Variants in CADPS2 observed in about 807,000 individuals in gnomAD.
CADPS2 encodes calcium-dependent secretion activator 2.
A neutral mutation model predicts 172.5 loss-of-function variants in CADPS2; 93 were observed. The ratio of observed to expected loss-of-function variants is 0.54; its 90% CI spans 0.46 to 0.64. CADPS2 has a LOEUF of 0.64. CADPS2 is among the 30% of genes least tolerant of loss of function. The pLI is 0.00. For synonymous variants in CADPS2, 546 were observed against 555.2 expected (o/e 0.98, Z 0.23); for missense variants, 1,420 against 1,565.9 (o/e 0.91, Z 1.57).
At chr7:122,619,143 ATTTTGTTT>A (rs1402137964) in intron 5 of CADPS2, among the ~76,000 whole-genome samples, 1 of 152,172 alleles carries the variant, frequency 6.6e-6, no homozygotes, top group Non-Finnish European at 1.5e-5. Flanking sequence ...CAGCAGCCTA[ATTTTGTTT>A]TCAACAGGCA....
At chr7:122,449,768 C>T (rs961131705) in intron 15 of CADPS2, among the ~76,000 whole-genome samples, 21 of 152,178 alleles carry the variant, frequency 1.4e-4, no homozygotes, top group African/African-American at 4.6e-4. Context: ...CTATCTACAA[C>T]AGTGTTTCCT....
intron 3 of CADPS2, among the ~76,000 whole-genome samples, chr7:122,637,440 G>A (rs1221088599): frequency 6.6e-6 from 1 of 152,032 alleles, no homozygotes; most frequent in Non-Finnish European, 1.5e-5. Context: ...AAAGTGCTGG[G>A]ATTACAAGCA....
intron 3 of CADPS2, among the ~76,000 whole-genome samples, chr7:122,643,142 A>G (rs1417800512): frequency 1.3e-5 from 2 of 152,208 alleles, no homozygotes; most frequent in Non-Finnish European, 2.9e-5. Context: ...TACTCTTCCT[A>G]ACACTTTCTT....
At chr7:122,560,716 T>C (rs1320100851) in intron 7 of CADPS2, among the ~76,000 whole-genome samples, 1 of 152,206 alleles carries the variant, frequency 6.6e-6, no homozygotes, top group Non-Finnish European at 1.5e-5. Flanking sequence ...CTTGACTTTT[T>C]GGGTTTAGTT....
At chr7:122,818,811 A>T (rs1030327402) in intron 1 of CADPS2, among the ~76,000 whole-genome samples, 1 of 152,130 alleles carries the variant, frequency 6.6e-6, no homozygotes, top group Non-Finnish European at 1.5e-5. Flanking sequence ...TTTATCCCAA[A>T]TCAGACAGCA....
intron 2 of CADPS2, among the ~76,000 whole-genome samples, chr7:122,730,857 TTAAAA>T (rs1166007225): frequency 2.0e-5 from 3 of 151,742 alleles, no homozygotes; most frequent in Admixed American, 1.3e-4. Flanking sequence ...AAAAGTGTTC[TTAAAA>T]TAATATCACA....
At chr7:122,752,002 C>T (rs994671853) in intron 1 of CADPS2, among the ~76,000 whole-genome samples, 2 of 152,114 alleles carry the variant, frequency 1.3e-5, no homozygotes, top group Non-Finnish European at 2.9e-5. Flanking sequence ...CATTTAGAAG[C>T]ATTATCCACT....
intron 12 of CADPS2, among the ~76,000 whole-genome samples, chr7:122,477,079 A>AGG (rs1183522696): frequency 1.4e-5 from 2 of 138,784 alleles, no homozygotes; most frequent in African/African-American, 5.4e-5. Context: ...AGAGAGAGAG[A>AGG]GAGGGAGAGA....
At chr7:122,402,159 T>G (rs2046034173) in intron 20 of CADPS2, among the ~76,000 whole-genome samples, 2 of 152,192 alleles carry the variant, frequency 1.3e-5, no homozygotes, top group African/African-American at 2.4e-5. Context: ...CACACATACC[T>G]TTATCTGATC....
intron 25 of CADPS2, among the ~76,000 whole-genome samples, chr7:122,370,202 T>C (rs772335675): frequency 6.6e-6 from 1 of 152,114 alleles, no homozygotes; most frequent in African/African-American, 2.4e-5. Context: ...ACATGACACA[T>C]TTGTATGGCT....
chr7:122,645,438 TA>T (rs2078322621), intron 3 of CADPS2, among the ~76,000 whole-genome samples: 1 of 63,688 alleles, frequency 1.6e-5, no homozygotes, highest in African/African-American at 5.1e-5. Flanking sequence ...TATATATGTA[TA>T]TATACACACA....
chr7:122,398,395 C>T (rs2045450263), intron 20 of CADPS2, among the ~76,000 whole-genome samples: 2 of 152,096 alleles, frequency 1.3e-5, no homozygotes, highest in African/African-American at 4.8e-5. Context: ...AATTAGCTAG[C>T]TTTAGTGGAT....
rs950791428 is a variant in CADPS2 at position 122,590,314 on chromosome 7, A to C, written c.1224-9024T>G. On this transcript the variant is annotated intron_variant, in intron 6 of 29. Transcript: ENST00000449022. ...ACTGGAACAGAGAGCCCAGAAACCA[A>C]CCCTCACACATATGGTCAAATGTAA... Among the ~76,000 whole-genome samples the C allele has an allele frequency of 2.0e-5, 3 of 152,000 alleles. 1 individual carries two copies. Among genetic ancestry groups the C allele is most frequent in the Admixed American group, 2.0e-4 (3 of 15,206 alleles).
At chr7:122,696,500 TGACCC>T (rs1372974669) in intron 2 of CADPS2, among the ~76,000 whole-genome samples, 65 of 5,334 alleles carry the variant, frequency 0.012, no homozygotes, top group African/African-American at 0.023. Flanking sequence ...TAGTCTTCCA[TGACCC>T]CATGGTCATG....
At chr7:122,883,474 A>T (rs998738662) in intron 1 of CADPS2, among the ~76,000 whole-genome samples, 1 of 152,200 alleles carries the variant, frequency 6.6e-6, no homozygotes, top group African/African-American at 2.4e-5. Context: ...GAAGATACAG[A>T]ATAAAATAAA....
chr7:122,515,925 A>T (rs1269514318), intron 8 of CADPS2, among the ~76,000 whole-genome samples: 1 of 151,208 alleles, frequency 6.6e-6, no homozygotes, highest in Non-Finnish European at 1.5e-5. Flanking sequence ...TAAAAAGTTT[A>T]AAAATATATT....
At chr7:122,671,534 C>A (rs2081856982) in intron 2 of CADPS2, among the ~76,000 whole-genome samples, 1 of 152,066 alleles carries the variant, frequency 6.6e-6, no homozygotes, top group African/African-American at 2.4e-5. Context: ...CCATGCACTC[C>A]AGCCTGGGTG....
intron 8 of CADPS2, among the ~76,000 whole-genome samples, chr7:122,533,739 A>T (rs2061981783): frequency 6.6e-6 from 1 of 152,190 alleles, no homozygotes; most frequent in Non-Finnish European, 1.5e-5. Flanking sequence ...TAAGATAATT[A>T]AACGATTCTC....
chr7:122,400,805 T>C (rs1028689257), intron 20 of CADPS2, among the ~76,000 whole-genome samples: 2 of 152,236 alleles, frequency 1.3e-5, no homozygotes, highest in African/African-American at 4.8e-5. Context: ...GAATTTCAGA[T>C]GAACAGCTCA....
Sources: gnomAD v4.1 joint callset for allele counts (sites outside exome capture counted in the v4.1 genomes callset) on GRCh38, gnomAD v4.1.1 for gene constraint, MANE v1.5 for transcripts, NCBI Gene and HGNC (gene_info 2026-07-23, HGNC 2026-07-21) for gene names.